Variants in STXBP5 observed in about 807,000 individuals in gnomAD.
STXBP5 encodes syntaxin-binding protein 5.
A neutral mutation model predicts 152.4 loss-of-function variants in STXBP5; 50 were observed. The observed-to-expected ratio is 0.33, with a 90% CI of 0.26 to 0.42. The LOEUF is 0.42. STXBP5 is among the 10% of genes least tolerant of loss of function. The pLI, the probability that STXBP5 is intolerant of heterozygous loss-of-function variation, is 1.00. For synonymous variants in STXBP5, 492 were observed against 494.7 expected, an observed-to-expected ratio of 0.99 and a Z score of 0.07; for missense variants, 1,167 against 1,388.6, an observed-to-expected ratio of 0.84 and a Z score of 2.54.
At chr6:147,259,731 G>T (rs989432708) in intron 4 of STXBP5, among the ~76,000 whole-genome samples, 5 of 151,764 alleles carry the variant, frequency 3.3e-5, no homozygotes, top group Non-Finnish European at 1.5e-5. Flanking sequence ...GAGACGAAAT[G>T]GGGGGGTCTG....
At chr6:147,261,334 A>G (rs1257976824) in intron 5 of STXBP5, among the ~76,000 whole-genome samples, 1 of 151,980 alleles carries the variant, frequency 6.6e-6, no homozygotes, top group Non-Finnish European at 1.5e-5. Flanking sequence ...GGCCCTAAGG[A>G]TCTTTAGTGC....
At chr6:147,211,223 C>T (rs993898982) in intron 2 of STXBP5, among the ~76,000 whole-genome samples, 15 of 151,124 alleles carry the variant, frequency 9.9e-5, no homozygotes, top group South Asian at 2.1e-4. Context: ...GCAGGAGAAT[C>T]GCTTGAACCC....
At chr6:147,350,061 T>C (rs1784519631) in intron 21 of STXBP5, among the ~76,000 whole-genome samples, 1 of 152,312 alleles carries the variant, frequency 6.6e-6, no homozygotes, top group East Asian at 1.9e-4. Flanking sequence ...AAATTGACTA[T>C]ATTAAAATTT....
At position 147,327,602 on chromosome 6, in the gene STXBP5, C is replaced by T. The variant is rs545920974; in HGVS notation, c.2080+326C>T. ...GACCATAGGCACATGCCACCATACCCAGCTGGTTTTTTGTATTTTTTGTAC... is the reference window on the plus strand; with the variant it reads ...GACCATAGGCACATGCCACCATACCTAGCTGGTTTTTTGTATTTTTTGTAC... On this transcript the variant is annotated intron_variant, in intron 18 of 27. Transcript: ENST00000321680. Among the ~76,000 whole-genome samples the T allele has an allele frequency of 9.2e-5, 14 of 152,176 alleles. No individual in the cohort carries two copies. In the South Asian group the frequency reaches 2.9e-3, roughly 32 times the overall value.
At chr6:147,292,897 A>C (rs1447462016) in intron 9 of STXBP5, 1 of 152,228 alleles carries the variant, frequency 6.6e-6, no homozygotes, top group African/African-American at 2.4e-5. Context: ...ATTAGAAATG[A>C]AAATTTAAAA....
intron 2 of STXBP5, among the ~76,000 whole-genome samples, chr6:147,210,576 C>T (rs903880439): frequency 8.5e-5 from 13 of 152,220 alleles, no homozygotes; most frequent in African/African-American, 2.4e-4. Flanking sequence ...TTAATATCCC[C>T]GTCTCCCACC....
intron 25 of STXBP5, among the ~76,000 whole-genome samples, chr6:147,364,760 T>G (rs1734198498): frequency 6.6e-6 from 1 of 152,228 alleles, no homozygotes; most frequent in East Asian, 1.9e-4. Flanking sequence ...GTAAAAGTGC[T>G]CTGGAAATAT....
chr6:147,276,770 A>C lies in STXBP5; in HGVS notation c.715-1311A>C, dbSNP rs911789303. Among the ~76,000 whole-genome samples the C allele has an allele frequency of 1.1e-4, 17 of 152,226 alleles. No individual in the cohort carries two copies. The East Asian group carries it at 2.1e-3, about 19-fold the overall frequency. ...ATTATTGCTTTAAGATTTTATTTAG[A>C]ATTTTGTAAGAGATGCAGATGGTCC... On this transcript the variant is annotated intron_variant, in intron 7 of 27. Coordinates refer to ENST00000321680, the MANE Select transcript of STXBP5 (RefSeq NM_001127715.4).
intron 4 of STXBP5, among the ~76,000 whole-genome samples, chr6:147,259,471 A>G (rs765255066): frequency 5.3e-5 from 8 of 152,220 alleles, no homozygotes; most frequent in Non-Finnish European, 1.0e-4. Flanking sequence ...AATTACAAGT[A>G]GATGAAGCTT....
At chr6:147,368,168 A>T (rs1785379883) in intron 25 of STXBP5, among the ~76,000 whole-genome samples, 1 of 152,166 alleles carries the variant, frequency 6.6e-6, no homozygotes, top group Non-Finnish European at 1.5e-5. Flanking sequence ...AGGAAGCATT[A>T]ACCTGATAAC....
chr6:147,256,112 G>A (rs1335105895), intron 4 of STXBP5, among the ~76,000 whole-genome samples: 1 of 152,090 alleles, frequency 6.6e-6, no homozygotes, highest in Non-Finnish European at 1.5e-5. Flanking sequence ...TCAATGCAGG[G>A]AATAGGAAAC....
chr6:147,357,214 C>G (rs1445040386), intron 22 of STXBP5, among the ~76,000 whole-genome samples: 2 of 151,978 alleles, frequency 1.3e-5, no homozygotes, highest in Non-Finnish European at 2.9e-5. Flanking sequence ...TTGTAGGAAT[C>G]AGGAGAAACT....
At chr6:147,346,457 G>C (rs1010327288) in intron 21 of STXBP5, among the ~76,000 whole-genome samples, 1 of 152,056 alleles carries the variant, frequency 6.6e-6, no homozygotes, top group African/African-American at 2.4e-5. Context: ...AAAGATACAC[G>C]GCCAGGCGCA....
chr6:147,239,199 C>G lies in STXBP5; in HGVS notation c.360C>G (p.Asp120Glu). The G allele has an allele frequency of 6.2e-7, 1 of 1,613,506 alleles. No homozygotes were observed. Among genetic ancestry groups the G allele is most frequent in the Non-Finnish European group, 8.5e-7 (1 of 1,179,648 alleles). The change falls in exon 4 of 28, where the codon GAC (aspartate) becomes GAG (glutamate). Residue 120 changes from aspartate to glutamate, a missense_variant. Asp to Glu is a conservative substitution (Grantham distance 45). Transcript: ENST00000321680. ...EGALVSALAD[D>E]TLHLWNLRQK... ...CGCTTGTGAGTGCCTTGGCTGATGA[C>G]ACCTTACACTTATGGAATTTACGTC...
intron 8 of STXBP5, among the ~76,000 whole-genome samples, chr6:147,287,728 G>GCTAC (rs1781054801): frequency 6.6e-6 from 1 of 152,108 alleles, no homozygotes; most frequent in East Asian, 1.9e-4. Context: ...TTATGCTGCA[G>GCTAC]CTACCATCTT....
At chr6:147,364,700 A>AT (rs1375882666) in intron 25 of STXBP5, among the ~76,000 whole-genome samples, 4 of 152,188 alleles carry the variant, frequency 2.6e-5, no homozygotes, top group Admixed American at 6.5e-5. Flanking sequence ...TGAGTGCTGT[A>AT]TGTGCTTCTG....
At position 147,204,425 on chromosome 6, in the gene STXBP5, A is replaced by G; in HGVS notation, c.-108A>G. Reference sequence around the variant, plus strand: ...GCTGCCTCCTTACCCTCACACTCCCACTCCTCCGTTTCCGCGGTCGAAGCT... The same window carrying G: ...GCTGCCTCCTTACCCTCACACTCCCGCTCCTCCGTTTCCGCGGTCGAAGCT... On this transcript the variant is annotated 5_prime_UTR_variant, in exon 1 of 28. Transcript: ENST00000321680. This position sits in a 1 kb window ranked among gnomAD's most constrained non-coding sequence, Gnocchi z 4.3. The G allele has an allele frequency of 9.7e-7, 1 of 1,034,742 alleles. No individual in the cohort carries two copies. Among genetic ancestry groups the G allele is most frequent in the East Asian group, 2.7e-5 (1 of 37,636 alleles). The allele number at this position is 1,034,742 out of a possible 1,614,324, so 64.1% of individuals were successfully genotyped here. A position where few individuals can be genotyped will look rare whatever the true frequency, so the allele number is the denominator to read the frequency against.
At chr6:147,256,513 C>T (rs1310842332) in intron 4 of STXBP5, among the ~76,000 whole-genome samples, 3 of 152,086 alleles carry the variant, frequency 2.0e-5, no homozygotes, top group Non-Finnish European at 4.4e-5. Flanking sequence ...ATAGGTACCA[C>T]AAAATGTCAC....
chr6:147,337,877 CCTT>C (rs1783906932), intron 19 of STXBP5, among the ~76,000 whole-genome samples: 1 of 151,908 alleles, frequency 6.6e-6, no homozygotes, highest in Non-Finnish European at 1.5e-5. Flanking sequence ...AAAAAAGTAA[CCTT>C]CTAAGACCAC....
Sources: gnomAD v4.1 joint callset for allele counts (sites outside exome capture counted in the v4.1 genomes callset) on GRCh38, gnomAD v4.1.1 for gene constraint, Gnocchi (gnomAD v3.1) non-coding constraint, MANE v1.5 for transcripts, NCBI Gene and HGNC (gene_info 2026-07-23, HGNC 2026-07-21) for gene names.